The following ITFG1 variants were observed in gnomAD, a reference collection of about 807,000 sequenced individuals.
ITFG1 encodes the protein integrin alpha FG-GAP repeat containing 1, also known as T-cell immunomodulatory protein.
In ITFG1, 34 loss-of-function variants were observed where a neutral mutation model predicts 81.8. That is an observed-to-expected ratio of 0.42 (90% CI 0.32 to 0.55). ITFG1 has a LOEUF of 0.55. Ranked by LOEUF, ITFG1 falls within the 20% of genes least tolerant of loss-of-function variation. The pLI is 0.17. For missense variants in ITFG1, 672 were observed against 755.4 expected, an observed-to-expected ratio of 0.89 and a Z score of 1.29; for synonymous variants, 285 against 270.6, an observed-to-expected ratio of 1.05 and a Z score of -0.52.
intron 6 of ITFG1, among the ~76,000 whole-genome samples, chr16:47,384,420 C>CT (rs950968237): frequency 2.0e-5 from 3 of 152,260 alleles, no homozygotes; most frequent in East Asian, 1.9e-4. Flanking sequence ...GTACTGTCTT[C>CT]TTTTTTTAAC....
At chr16:47,355,417 C>T (rs1339874544) in intron 8 of ITFG1, among the ~76,000 whole-genome samples, 5 of 152,082 alleles carry the variant, frequency 3.3e-5, no homozygotes, top group Admixed American at 3.3e-4. Flanking sequence ...GGTCAAAGGG[C>T]ACAAAGTTAC....
At chr16:47,351,639 G>A (rs150617789) in intron 8 of ITFG1, among the ~76,000 whole-genome samples, 62 of 152,058 alleles carry the variant, frequency 4.1e-4, no homozygotes, top group African/African-American at 1.3e-3. Context: ...ATTCTGCCCC[G>A]GGCAATTTAT....
intron 13 of ITFG1, among the ~76,000 whole-genome samples, chr16:47,237,187 A>C (rs1032883979): frequency 6.6e-6 from 1 of 152,214 alleles, no homozygotes; most frequent in Non-Finnish European, 1.5e-5. Context: ...AAATATGGGA[A>C]GTTTCCCAAC....
chr16:47,187,455 C>T (rs1171999226), intron 14 of ITFG1, among the ~76,000 whole-genome samples: 1 of 152,084 alleles, frequency 6.6e-6, no homozygotes, highest in Non-Finnish European at 1.5e-5. Flanking sequence ...AGAAATAATG[C>T]CGCATATCTA....
Position 47,428,862 on chromosome 16 carries a change from A to C in ITFG1, c.597T>G (p.Ser199Arg). ...LSWHPALTTT[S>R]KMRIPHSHAF... ...CATGAGAATGTGGAATTCGCATTTT[A>C]CTTGTAGTGGTCAATGCTGGATGCC... The change falls in exon 6 of 18, where the codon AGT (serine) becomes AGG (arginine). Residue 199 changes from serine (S) to arginine (R), a missense_variant. Ser to Arg is a moderately radical substitution (Grantham distance 110, BLOSUM62 -1). This residue lies in a region of ITFG1 where 560 missense variants were observed against 625.7 expected (regional missense o/e 0.90). Coordinates refer to ENST00000320640, the MANE Select transcript of ITFG1 (RefSeq NM_030790.5). The C allele has an allele frequency of 1.2e-6, 2 of 1,610,088 alleles. No homozygotes were observed. The highest frequency in any genetic ancestry group is 1.7e-6 in the Non-Finnish European group (2 of 1,177,830).
At chr16:47,303,184 T>C (rs1187387711) in intron 10 of ITFG1, among the ~76,000 whole-genome samples, 1 of 151,824 alleles carries the variant, frequency 6.6e-6, no homozygotes, top group Admixed American at 6.6e-5. Flanking sequence ...GGCAGGAGAA[T>C]GGCGTGAACC....
At chr16:47,392,274 C>T (rs903019624) in intron 6 of ITFG1, among the ~76,000 whole-genome samples, 20 of 152,164 alleles carry the variant, frequency 1.3e-4, no homozygotes, top group Non-Finnish European at 2.4e-4. Flanking sequence ...AAACGACGAA[C>T]GCCCACAAAA....
At chr16:47,343,775 T>C (rs999087838) in intron 8 of ITFG1, among the ~76,000 whole-genome samples, 14 of 152,162 alleles carry the variant, frequency 9.2e-5, no homozygotes, top group African/African-American at 2.9e-4. Flanking sequence ...GTTTACATTA[T>C]AGAAATAGTT....
chr16:47,314,211 G>C (rs1278143726), intron 8 of ITFG1, among the ~76,000 whole-genome samples: 2 of 152,126 alleles, frequency 1.3e-5, no homozygotes, highest in Non-Finnish European at 2.9e-5. Context: ...AAAATGTATA[G>C]TGTTGGTAAG....
chr16:47,383,994 A>AG (rs749753626), intron 6 of ITFG1, among the ~76,000 whole-genome samples: 17 of 152,230 alleles, frequency 1.1e-4, no homozygotes, highest in Non-Finnish European at 2.1e-4. Context: ...GTCTCCTGAG[A>AG]GAAACATTTT....
At chr16:47,406,740 G>T (rs1357798315) in intron 6 of ITFG1, among the ~76,000 whole-genome samples, 1 of 152,196 alleles carries the variant, frequency 6.6e-6, no homozygotes, top group Non-Finnish European at 1.5e-5. Flanking sequence ...AAAAACTAAA[G>T]AAGGGTAAGG....
chr16:47,374,264 C>T (rs911368005), intron 7 of ITFG1, among the ~76,000 whole-genome samples: 2 of 152,206 alleles, frequency 1.3e-5, no homozygotes, highest in Non-Finnish European at 2.9e-5. Flanking sequence ...AAGTTACTTA[C>T]TGATCCAGCC....
intron 14 of ITFG1, chr16:47,202,406 T>G (rs1038015826): frequency 2.0e-5 from 3 of 152,140 alleles, no homozygotes; most frequent in African/African-American, 7.2e-5. Context: ...AACTAAATAT[T>G]AGAAACAAAG....
At position 47,454,139 on chromosome 16, in the gene ITFG1, T is replaced by C; in HGVS notation, c.301A>G (p.Thr101Ala). The change falls in exon 3 of 18, where the codon ACA (threonine) becomes GCA (alanine). Residue 101 changes from threonine to alanine, a missense_variant. Transcript: ENST00000320640. The part of the protein sequence containing the change: ...VSFKNHSALI[T>A]SVVPGDYDGD... ...TCATAATCCCCAGGGACTACACTTG[T>C]TATCAATGCACTGTGATTCCTAAAA... 6.2e-7 allele frequency: 1 copy of C among 1,605,952 alleles called. No individual in the cohort carries two copies. Among genetic ancestry groups the C allele is most frequent in the Non-Finnish European group, 8.5e-7 (1 of 1,174,936 alleles).
chr16:47,384,545 A>G (rs1968435897), intron 6 of ITFG1, among the ~76,000 whole-genome samples: 1 of 152,180 alleles, frequency 6.6e-6, no homozygotes, highest in Admixed American at 6.5e-5. Context: ...AACATACTGG[A>G]AGGGAATATT....
At chr16:47,307,085 C>G (rs577838188) in intron 10 of ITFG1, among the ~76,000 whole-genome samples, 2 of 74,022 alleles carry the variant, frequency 2.7e-5, no homozygotes, top group Non-Finnish European at 2.3e-5. Context: ...CAGAGCAAAA[C>G]TCCGTCTCAA....
intron 7 of ITFG1, among the ~76,000 whole-genome samples, chr16:47,372,456 T>C (rs1444042891): frequency 7.3e-6 from 1 of 137,780 alleles, no homozygotes; most frequent in Non-Finnish European, 1.5e-5. Flanking sequence ...TATTTCTCTC[T>C]TTTTTTTTTT....
At chr16:47,160,728 G>A (rs1181888351) in intron 16 of ITFG1, among the ~76,000 whole-genome samples, 9 of 152,102 alleles carry the variant, frequency 5.9e-5, no homozygotes, top group Admixed American at 5.9e-4. Context: ...CTGGTATGCT[G>A]GTAAACTGGC....
intron 14 of ITFG1, among the ~76,000 whole-genome samples, chr16:47,188,528 C>A (rs532496901): frequency 0.049 from 7,231 of 147,956 alleles, 265 homozygotes; most frequent in Non-Finnish European, 0.074. Flanking sequence ...AAACCAAACA[C>A]CGCATATTCT....
Sources: gnomAD v4.1 joint callset for allele counts (sites outside exome capture counted in the v4.1 genomes callset) on GRCh38, gnomAD v4.1.1 for gene constraint, gnomAD v4.1.1 regional missense constraint, MANE v1.5 for transcripts, NCBI Gene and HGNC (gene_info 2026-07-23, HGNC 2026-07-21) for gene names.